SYTL5: variants seen among roughly 807,000 people sequenced by gnomAD.
SYTL5 encodes the protein synaptotagmin like 5, also known as synaptotagmin-like protein 5.
Under a neutral mutation model 55.9 loss-of-function variants are expected in SYTL5, and 34 were observed. The observed-to-expected ratio is 0.61, with a 90% CI of 0.46 to 0.81. The LOEUF (loss-of-function observed/expected upper bound fraction) is 0.81, where lower values mean the gene tolerates loss of function less well. Among genes scored for constraint, SYTL5 ranks in the 30% least tolerant of loss-of-function variants. SYTL5 has a pLI of 0.00. For missense variants in SYTL5, 637 were observed against 546.7 expected (o/e 1.17, Z -1.65); for synonymous variants, 221 against 188.7 (o/e 1.17, Z -1.40).
chrX:37,988,396 G>A, the SYTL5 span, among the ~76,000 whole-genome samples: 29 of 112,166 alleles, frequency 2.6e-4, no homozygotes, highest in East Asian at 8.1e-3. Context: ...CTAAATGCGT[G>A]TATTTTAAAG....
chrX:38,014,981 A>T (rs1934304983), intron 1 of SYTL5, among the ~76,000 whole-genome samples: 1 of 112,112 alleles, frequency 8.9e-6, no homozygotes, highest in Non-Finnish European at 1.9e-5. Flanking sequence ...TGCCCAATGC[A>T]GTTCCCAGCT....
the SYTL5 span, among the ~76,000 whole-genome samples, chrX:37,967,300 C>A: frequency 9.0e-6 from 1 of 111,653 alleles, no homozygotes; most frequent in Non-Finnish European, 1.9e-5. Flanking sequence ...GATCTGCCCA[C>A]CTCGGCCTCC....
At chrX:38,090,433 G>A (rs181176696) in intron 7 of SYTL5, among the ~76,000 whole-genome samples, 74 of 111,938 alleles carry the variant, frequency 6.6e-4, no homozygotes, top group Non-Finnish European at 1.2e-3. Context: ...AAGAGAATAT[G>A]AAAAAAGTAT....
chrX:37,972,649 C>G, the SYTL5 span, among the ~76,000 whole-genome samples: 2 of 111,778 alleles, frequency 1.8e-5, no homozygotes, highest in Non-Finnish European at 3.8e-5. Flanking sequence ...GCCCGTGACA[C>G]AACCCTCAGG....
the SYTL5 span, among the ~76,000 whole-genome samples, chrX:37,926,645 T>A: frequency 8.9e-6 from 1 of 111,776 alleles, no homozygotes; most frequent in Non-Finnish European, 1.9e-5. Flanking sequence ...ATACTGAGGC[T>A]TTACAACTGC....
chrX:38,027,702 G>C (rs1489784537), intron 1 of SYTL5, among the ~76,000 whole-genome samples: 1 of 111,694 alleles, frequency 9.0e-6, no homozygotes, highest in Non-Finnish European at 1.9e-5. Flanking sequence ...TTTTCACATA[G>C]GCTTTTTAAA....
chrX:38,011,511 A>G (rs968809000), intron 1 of SYTL5, among the ~76,000 whole-genome samples: 2 of 110,682 alleles, frequency 1.8e-5, no homozygotes, highest in African/African-American at 6.6e-5. Flanking sequence ...GCTGCCGCCT[A>G]TAGTCTCAGC....
chrX:38,054,740 ATTAT>A (rs760441775), intron 3 of SYTL5, among the ~76,000 whole-genome samples: 209 of 110,367 alleles, frequency 1.9e-3, no homozygotes, highest in Middle Eastern at 9.3e-3. Context: ...TATTAATATT[ATTAT>A]TTTAGGGACA....
the SYTL5 span, among the ~76,000 whole-genome samples, chrX:37,977,371 G>A: frequency 9.0e-6 from 1 of 110,818 alleles, no homozygotes; most frequent in Non-Finnish European, 1.9e-5. Flanking sequence ...TGGCTTGGGG[G>A]TAGGAAAGGG....
chrX:38,053,629 A>G (rs1935684534), intron 2 of SYTL5, among the ~76,000 whole-genome samples: 1 of 112,178 alleles, frequency 8.9e-6, no homozygotes, highest in South Asian at 3.7e-4. Flanking sequence ...ATGGTAGGCA[A>G]TGTCTTTATT....
intron 4 of SYTL5, among the ~76,000 whole-genome samples, chrX:38,072,957 A>G (rs1243264217): frequency 8.9e-6 from 1 of 111,743 alleles, no homozygotes; most frequent in Non-Finnish European, 1.9e-5. Flanking sequence ...CCTTGTATTT[A>G]AGTCTGGCAC....
intron 1 of SYTL5, among the ~76,000 whole-genome samples, chrX:38,020,422 T>C (rs947590186): frequency 7.2e-4 from 63 of 88,015 alleles, no homozygotes; most frequent in African/African-American, 2.5e-3. Flanking sequence ...TATATATATA[T>C]ATATATATAT....
At position 38,022,987 on chromosome X, in the gene SYTL5, G is replaced by A. The variant is rs967067015; in HGVS notation, c.-356-10547G>A. ...AGATACGAGAGAGAGAGATCAGCAAGGGACAAATCATGAAGGGTTTTGTAA... is the reference window on the plus strand; with the variant it reads ...AGATACGAGAGAGAGAGATCAGCAAAGGACAAATCATGAAGGGTTTTGTAA... On this transcript the variant is annotated intron_variant, in intron 1 of 16. Coordinates refer to ENST00000297875, the MANE Select transcript of SYTL5 (RefSeq NM_138780.3). 2.7e-5 allele frequency among the ~76,000 whole-genome samples: 3 copies of A among 111,818 alleles called. No homozygotes were observed. In the Admixed American group the frequency reaches 2.9e-4, roughly 11 times the overall value.
rs747645004 is a variant in SYTL5 at position 38,112,585 on chromosome X, T to C, written c.1596+2103T>C. On this transcript the variant is annotated intron_variant, in intron 13 of 16. Transcript: ENST00000297875. Reference sequence around the variant, plus strand: ...TCTCTGCCATCTTCCTCTGCCCAGCTTCCTCTGTTCTATATAGAAGAAAAG... The same window carrying C: ...TCTCTGCCATCTTCCTCTGCCCAGCCTCCTCTGTTCTATATAGAAGAAAAG... Among the ~76,000 whole-genome samples the C allele has an allele frequency of 5.3e-5, 6 of 112,492 alleles. No individual in the cohort carries two copies. The East Asian group carries it at 1.4e-3, about 26-fold the overall frequency.
At chrX:37,961,165 C>A in the SYTL5 span, among the ~76,000 whole-genome samples, 1 of 111,244 alleles carries the variant, frequency 9.0e-6, no homozygotes, top group African/African-American at 3.3e-5. Context: ...ATAGCAATGG[C>A]CTCACTTCTT....
intron 15 of SYTL5, among the ~76,000 whole-genome samples, chrX:38,124,576 T>C (rs915887183): frequency 5.4e-5 from 6 of 111,950 alleles, no homozygotes; most frequent in African/African-American, 1.6e-4. Context: ...AAACCTAGGA[T>C]ACAGGCGTTT....
At chrX:38,025,322 G>A (rs1403020297) in intron 1 of SYTL5, among the ~76,000 whole-genome samples, 2 of 112,270 alleles carry the variant, frequency 1.8e-5, no homozygotes, top group African/African-American at 3.2e-5. Flanking sequence ...CAAGTACACA[G>A]TAATGAGATA....
the SYTL5 span, among the ~76,000 whole-genome samples, chrX:38,000,722 T>A: frequency 1.8e-5 from 2 of 112,172 alleles, no homozygotes; most frequent in Non-Finnish European, 3.8e-5. Flanking sequence ...GGATCACACA[T>A]GGGCTTGGAG....
At chrX:38,045,206 C>T (rs1330875475) in intron 2 of SYTL5, among the ~76,000 whole-genome samples, 1 of 111,953 alleles carries the variant, frequency 8.9e-6, no homozygotes, top group Admixed American at 9.4e-5. Flanking sequence ...TTTACAGAGA[C>T]AGATAATGTT....
Sources: allele counts gnomAD v4.1 joint callset (sites outside exome capture counted in the v4.1 genomes callset), GRCh38; gene constraint gnomAD v4.1.1; transcripts MANE v1.5; gene names NCBI Gene and HGNC (gene_info 2026-07-23, HGNC 2026-07-21).